The following SCAF8 variants were observed in gnomAD, a reference collection of about 807,000 sequenced individuals.
SCAF8 encodes SR-related and CTD-associated factor 8.
Under a neutral mutation model 140.5 loss-of-function variants are expected in SCAF8, and 23 were observed. The observed-to-expected ratio is 0.16, with a 90% confidence interval of 0.12 to 0.23. SCAF8 has a LOEUF of 0.23. Ranked by LOEUF, SCAF8 falls within the 10% of genes least tolerant of loss-of-function variation. SCAF8 has a pLI of 1.00. For missense variants in SCAF8, 1,397 were observed against 1,555.7 expected (o/e 0.90, Z 1.72); for synonymous variants, 575 against 528.9 (o/e 1.09, Z -1.20).
At chr6:154,746,069 C>T (rs1326769922) in intron 1 of SCAF8, among the ~76,000 whole-genome samples, 1 of 151,980 alleles carries the variant, frequency 6.6e-6, no homozygotes, top group African/African-American at 2.4e-5. Context: ...TATTTTTAGT[C>T]GAGTCGAGGT....
chr6:154,832,830 A>T lies in SCAF8; in HGVS notation c.3251A>T (p.His1084Leu), dbSNP rs767119539. 19 of 1,614,036 alleles carry T rather than the reference A, an allele frequency of 1.2e-5. No individual in the cohort carries two copies. The East Asian group carries it at 2.5e-4, about 21-fold the overall frequency. Residue 1084 changes from histidine (H) to leucine (L), a missense_variant, in exon 20 of 20, where the codon CAC becomes CTC. Around this residue, in one of 5 missense-constraint regions of SCAF8, gnomAD observed 930 missense variants for 874.6 expected, o/e 1.06. Transcript: ENST00000367178. Reference protein sequence around the residue: ...PGIDHLGRRDHFGFNPEKPWG... With the variant: ...PGIDHLGRRDLFGFNPEKPWG... ...ATAGATCATCTTGGTCGAAGAGACC[A>T]CTTTGGCTTTAATCCAGAGAAGCCC...
intron 1 of SCAF8, among the ~76,000 whole-genome samples, chr6:154,769,996 G>A (rs1005309295): frequency 4.6e-5 from 7 of 152,194 alleles, no homozygotes; most frequent in Non-Finnish European, 2.9e-5. Flanking sequence ...CTGTAGTAAT[G>A]TGGTAACATT....
chr6:154,810,887 T>G (rs886308147), intron 12 of SCAF8, among the ~76,000 whole-genome samples: 5 of 152,154 alleles, frequency 3.3e-5, no homozygotes, highest in South Asian at 4.1e-4. Context: ...TCGAACAAAT[T>G]GTCATTCTTT....
intron 1 of SCAF8, among the ~76,000 whole-genome samples, chr6:154,754,094 C>G (rs1172713336): frequency 6.6e-6 from 1 of 152,182 alleles, no homozygotes; most frequent in African/African-American, 2.4e-5. Context: ...TTTAATACTG[C>G]TTGAATTAAA....
intron 3 of SCAF8, among the ~76,000 whole-genome samples, chr6:154,785,888 A>AT (rs1413294210): frequency 6.6e-6 from 1 of 152,210 alleles, no homozygotes; most frequent in Non-Finnish European, 1.5e-5. Context: ...AAAATAAGAA[A>AT]TTGGAAATTA....
At chr6:154,818,633 AT>A in intron 14 of SCAF8, 41 bp downstream of exon 14, 2 of 946,740 alleles carry the variant, frequency 2.1e-6, no homozygotes, top group Non-Finnish European at 3.4e-6. Context: ...GGGGGGCAGT[AT>A]TTTTAATGTC....
chr6:154,804,503 C>G (rs1299135701), intron 8 of SCAF8, among the ~76,000 whole-genome samples: 2 of 152,130 alleles, frequency 1.3e-5, no homozygotes, highest in African/African-American at 2.4e-5. Context: ...GAGAAGTTAA[C>G]TAATTGTTAT....
chr6:154,733,863 T>G lies in SCAF8; in HGVS notation c.-38T>G, dbSNP rs756087132. ...CCCACCCAGTGCAGTGGCCGCCGCC[T>G]CTTCCGCCGCCGGGCTCGGGGCCTC... is the stretch of plus-strand genomic sequence containing the variant. On this transcript the variant is annotated 5_prime_UTR_variant, in exon 1 of 20. Transcript: ENST00000367178. 5.2e-6 allele frequency: 8 copies of G among 1,541,900 alleles called. No individual in the cohort carries two copies. Among genetic ancestry groups the G allele is most frequent in the Non-Finnish European group, 7.0e-6 (8 of 1,150,436 alleles).
intron 2 of SCAF8, 90 bp from the exon 3 acceptor site, chr6:154,777,911 C>G: frequency 1.3e-6 from 1 of 772,554 alleles, no homozygotes; most frequent in South Asian, 1.5e-5. Flanking sequence ...TTTGATAGAC[C>G]TTTGGAGCAT....
At chr6:154,755,974 T>C (rs929238275) in intron 1 of SCAF8, among the ~76,000 whole-genome samples, 3 of 152,244 alleles carry the variant, frequency 2.0e-5, no homozygotes, top group African/African-American at 7.2e-5. Context: ...AGCGGAATCA[T>C]AGCTGTAACT....
intron 1 of SCAF8, among the ~76,000 whole-genome samples, chr6:154,739,764 C>T (rs2114789148): frequency 6.6e-6 from 1 of 152,294 alleles, no homozygotes; most frequent in East Asian, 1.9e-4. Context: ...GAACTCCCAT[C>T]TCCACTTTAT....
chr6:154,799,987 T>C (rs1313113785), intron 6 of SCAF8, among the ~76,000 whole-genome samples: 1 of 151,214 alleles, frequency 6.6e-6, no homozygotes, highest in Non-Finnish European at 1.5e-5. Flanking sequence ...GGTTTCACCT[T>C]GTTGGCCAGG....
At chr6:154,799,217 A>G (rs1777695950) in intron 6 of SCAF8, among the ~76,000 whole-genome samples, 2 of 150,936 alleles carry the variant, frequency 1.3e-5, no homozygotes, top group South Asian at 4.2e-4. Context: ...ACCTCAGGCG[A>G]TCCCCCCACG....
intron 2 of SCAF8, among the ~76,000 whole-genome samples, chr6:154,776,060 C>T (rs1776907019): frequency 6.6e-6 from 1 of 152,004 alleles, no homozygotes; most frequent in Admixed American, 6.6e-5. Context: ...AAAAATTTCA[C>T]TTTGATAGAA....
chr6:154,791,379 C>A (rs1777413388), intron 4 of SCAF8, among the ~76,000 whole-genome samples: 1 of 152,028 alleles, frequency 6.6e-6, no homozygotes, highest in Non-Finnish European at 1.5e-5. Flanking sequence ...TAGAATTTCC[C>A]AACTAAATAG....
chr6:154,817,262 A>G (rs1023952628), intron 13 of SCAF8, among the ~76,000 whole-genome samples: 22 of 152,318 alleles, frequency 1.4e-4, no homozygotes, highest in African/African-American at 5.3e-4. Context: ...GCACAGCAGG[A>G]ATCATTGCTC....
chr6:154,808,205 A>G lies in SCAF8; in HGVS notation c.1113+4A>G. ...TTCCATAGATATTCAGCAACAGGTA[A>G]AAGTAAATGTTTTTCTGGGTCATAA... is the stretch of plus-strand genomic sequence containing the variant. On this transcript the variant is annotated splice_donor_region_variant and intron_variant, in intron 10 of 19. Transcript: ENST00000367178. 6.2e-7 allele frequency: 1 copy of G among 1,610,888 alleles called. No homozygotes were observed. Among genetic ancestry groups the G allele is most frequent in the Non-Finnish European group, 8.5e-7 (1 of 1,178,838 alleles).
intron 1 of SCAF8, among the ~76,000 whole-genome samples, chr6:154,764,664 G>A (rs1186678126): frequency 6.6e-6 from 1 of 152,112 alleles, no homozygotes; most frequent in African/African-American, 2.4e-5. Flanking sequence ...TGATAAGATG[G>A]AAACCTGTAG....
chr6:154,832,803 G>C lies in SCAF8; in HGVS notation c.3224G>C (p.Gly1075Ala). 1.2e-6 allele frequency: 2 copies of C among 1,613,976 alleles called. No individual in the cohort carries two copies. Among genetic ancestry groups the C allele is most frequent in the Middle Eastern group, 1.7e-4 (1 of 6,060 alleles). ...VDIRENLVRP[G>A]IDHLGRRDHF... ...ATAAGAGAGAATCTTGTGAGGCCAG[G>C]TATAGATCATCTTGGTCGAAGAGAC... The change falls in exon 20 of 20, where the codon GGT (glycine) becomes GCT (alanine). Residue 1075 changes from glycine (G) to alanine (A), a missense_variant. By Grantham distance (60) the Gly-to-Ala change is moderately conservative. Coordinates refer to ENST00000367178, the MANE Select transcript of SCAF8 (RefSeq NM_014892.5).
Sources: allele counts gnomAD v4.1 joint callset (sites outside exome capture counted in the v4.1 genomes callset), GRCh38; gene constraint gnomAD v4.1.1; regional missense constraint gnomAD v4.1.1; transcripts MANE v1.5; gene names NCBI Gene and HGNC (gene_info 2026-07-23, HGNC 2026-07-21).